NR3C2: variants seen among roughly 807,000 people sequenced by gnomAD.
NR3C2 encodes the protein nuclear receptor subfamily 3 group C member 2.
A neutral mutation model predicts 86.4 loss-of-function variants in NR3C2; 15 were observed. The observed-to-expected ratio is 0.17, with a 90% CI of 0.12 to 0.27. The LOEUF (loss-of-function observed/expected upper bound fraction) is 0.27, where lower values mean the gene tolerates loss of function less well. Among genes scored for constraint, NR3C2 ranks in the 10% least tolerant of loss-of-function variants. The pLI is 1.00. For synonymous variants in NR3C2, 458 were observed against 450.5 expected, an observed-to-expected ratio of 1.02 and a Z score of -0.21; for missense variants, 960 against 1,195.6, an observed-to-expected ratio of 0.80 and a Z score of 2.91.
chr4:148,364,624 T>C, intron 2 of NR3C2, among the ~76,000 whole-genome samples: 1 of 152,228 alleles, frequency 6.6e-6, no homozygotes, highest in Admixed American at 6.5e-5. Context: ...ATCTTCTGCA[T>C]GCATAATACT....
At chr4:148,217,517 T>C (rs1737602498) in intron 3 of NR3C2, among the ~76,000 whole-genome samples, 2 of 152,224 alleles carry the variant, frequency 1.3e-5, no homozygotes, top group South Asian at 2.1e-4. Flanking sequence ...ATGACTGTCC[T>C]ATTTAATTAA....
At chr4:148,235,048 G>A (rs576054737) in intron 3 of NR3C2, among the ~76,000 whole-genome samples, 14 of 151,924 alleles carry the variant, frequency 9.2e-5, no homozygotes, top group African/African-American at 1.2e-4. Context: ...TCAATAAATC[G>A]CATTTAAAAT....
intron 2 of NR3C2, among the ~76,000 whole-genome samples, chr4:148,383,740 G>T (rs1167054264): frequency 1.3e-5 from 2 of 152,062 alleles, no homozygotes; most frequent in Admixed American, 6.6e-5. Flanking sequence ...ATGAGGTCAG[G>T]AGTTCAGGAC....
intron 2 of NR3C2, among the ~76,000 whole-genome samples, chr4:148,348,423 G>C (rs1745107351): frequency 1.3e-5 from 2 of 152,120 alleles, no homozygotes; most frequent in Non-Finnish European, 2.9e-5. Flanking sequence ...AAACTATCTA[G>C]AGCATAGGAC....
intron 2 of NR3C2, among the ~76,000 whole-genome samples, chr4:148,272,178 G>A (rs372438952): frequency 8.5e-5 from 13 of 152,120 alleles, no homozygotes; most frequent in East Asian, 5.8e-4. Context: ...GGGTGGTGGC[G>A]GTTTGCAGAC....
chr4:148,205,863 C>A (rs927647245), intron 3 of NR3C2, among the ~76,000 whole-genome samples: 6 of 152,056 alleles, frequency 3.9e-5, no homozygotes, highest in African/African-American at 1.5e-4. Flanking sequence ...TCTTCCTACC[C>A]AGAGAAACAC....
chr4:148,176,870 T>C (rs1163849213), intron 4 of NR3C2, among the ~76,000 whole-genome samples: 1 of 152,174 alleles, frequency 6.6e-6, no homozygotes, highest in African/African-American at 2.4e-5. Context: ...ATATGAAAAA[T>C]AATTATATGA....
chr4:148,176,535 T>C (rs571539031), intron 4 of NR3C2, among the ~76,000 whole-genome samples: 1 of 152,292 alleles, frequency 6.6e-6, no homozygotes, highest in Non-Finnish European at 1.5e-5. Context: ...TCCCAGTAGA[T>C]AGAAGTCAAG....
Position 148,103,021 on chromosome 4 carries a change from T to C in NR3C2, c.2799+11083A>G, listed in dbSNP as rs185752162. On this transcript the variant is annotated intron_variant, in intron 8 of 8. Coordinates refer to ENST00000358102, the MANE Select transcript of NR3C2 (RefSeq NM_000901.5). Reference sequence around the variant, plus strand: ...TCTCTCCATTCGTCCCATGGCTCTCTTGGATACAAGGACATTCTCTATTTC... The same window carrying C: ...TCTCTCCATTCGTCCCATGGCTCTCCTGGATACAAGGACATTCTCTATTTC... 3.6e-3 allele frequency among the ~76,000 whole-genome samples: 556 copies of C among 152,340 alleles called. 5 individuals carry two copies. The highest frequency in any genetic ancestry group is 0.013 in the African/African-American group (523 of 41,586).
intron 3 of NR3C2, among the ~76,000 whole-genome samples, chr4:148,217,325 C>T (rs1009035814): frequency 3.3e-5 from 5 of 152,218 alleles, no homozygotes; most frequent in African/African-American, 4.8e-5. Flanking sequence ...GCTTCCATTT[C>T]AGAATACGAA....
At chr4:148,360,816 A>G (rs1745798552) in intron 2 of NR3C2, among the ~76,000 whole-genome samples, 1 of 152,174 alleles carries the variant, frequency 6.6e-6, no homozygotes. Flanking sequence ...TAATTATATA[A>G]TGCTAACATC....
chr4:148,234,059 C>T (rs1000574891), intron 3 of NR3C2, among the ~76,000 whole-genome samples: 5 of 152,102 alleles, frequency 3.3e-5, no homozygotes, highest in African/African-American at 1.2e-4. Context: ...ATCTAAAGAT[C>T]ATTGAAATAA....
In NR3C2 at chr4:148,104,322, T is replaced by G. The variant is rs917495809; in HGVS notation, c.2799+9782A>C. On this transcript the variant is annotated intron_variant, in intron 8 of 8. Coordinates refer to ENST00000358102, the MANE Select transcript of NR3C2 (RefSeq NM_000901.5). ...TTTCAAAAAGAGTGAGATTTGTTTGTTTTTTTGTGTTTTGGTTTGGTTTTT... is the reference window on the plus strand; with the variant it reads ...TTTCAAAAAGAGTGAGATTTGTTTGGTTTTTTGTGTTTTGGTTTGGTTTTT... 7.1e-5 allele frequency among the ~76,000 whole-genome samples: 8 copies of G among 112,714 alleles called. No homozygotes were observed. In the South Asian group the frequency reaches 1.8e-3, roughly 25 times the overall value. 73.9% of individuals were successfully genotyped at this position (112,714 alleles called of 152,430 possible).
At chr4:148,173,563 C>G (rs1159594667) in intron 4 of NR3C2, among the ~76,000 whole-genome samples, 1 of 152,226 alleles carries the variant, frequency 6.6e-6, no homozygotes, top group Non-Finnish European at 1.5e-5. Flanking sequence ...CTAAGGAACA[C>G]AGTCTGTTGA....
intron 2 of NR3C2, among the ~76,000 whole-genome samples, chr4:148,282,764 G>C (rs1042132639): frequency 6.6e-6 from 1 of 152,058 alleles, no homozygotes; most frequent in Non-Finnish European, 1.5e-5. Context: ...GTGTTGATGA[G>C]AGAAGGAAAA....
intron 2 of NR3C2, among the ~76,000 whole-genome samples, chr4:148,428,621 A>G (rs899507832): frequency 9.2e-5 from 14 of 152,170 alleles, no homozygotes; most frequent in East Asian, 7.7e-4. Context: ...TCTATAATAT[A>G]CTTTCTTTTT....
intron 2 of NR3C2, among the ~76,000 whole-genome samples, chr4:148,399,741 A>T (rs932959059): frequency 6.6e-6 from 1 of 152,012 alleles, no homozygotes; most frequent in Admixed American, 6.6e-5. Flanking sequence ...CCAATCACAG[A>T]TATTAATATT....
chr4:148,407,118 G>A (rs1748465692), intron 2 of NR3C2, among the ~76,000 whole-genome samples: 1 of 152,160 alleles, frequency 6.6e-6, no homozygotes, highest in Admixed American at 6.5e-5. Context: ...TACAAATGGA[G>A]AAACTGAGGC....
intron 2 of NR3C2, among the ~76,000 whole-genome samples, chr4:148,391,645 T>A (rs1747570078): frequency 6.6e-6 from 1 of 152,124 alleles, no homozygotes; most frequent in Non-Finnish European, 1.5e-5. Flanking sequence ...GGCTGGCAGA[T>A]CACCTGAGGT....
Sources: gnomAD v4.1 joint callset for allele counts (sites outside exome capture counted in the v4.1 genomes callset) on GRCh38, gnomAD v4.1.1 for gene constraint, MANE v1.5 for transcripts, NCBI Gene and HGNC (gene_info 2026-07-23, HGNC 2026-07-21) for gene names.